KCNMB4: variants seen among roughly 807,000 people sequenced by gnomAD.
KCNMB4 encodes potassium calcium-activated channel subfamily M regulatory beta subunit 4.
In KCNMB4, 3 loss-of-function variants were observed where a neutral mutation model predicts 20.7. That is an observed-to-expected ratio of 0.14 (90% CI 0.07 to 0.37). The LOEUF (loss-of-function observed/expected upper bound fraction) is 0.37, where lower values mean the gene tolerates loss of function less well. Among genes scored for constraint, KCNMB4 ranks in the 10% least tolerant of loss-of-function variants. The pLI, the probability that KCNMB4 is intolerant of heterozygous loss-of-function variation, is 1.00. For synonymous variants in KCNMB4, 110 were observed against 113.4 expected (o/e 0.97, Z 0.19); for missense variants, 168 against 265.9 (o/e 0.63, Z 2.56).
At chr12:70,423,549 G>A (rs1869126669) in intron 2 of KCNMB4, among the ~76,000 whole-genome samples, 1 of 151,876 alleles carries the variant, frequency 6.6e-6, no homozygotes, top group Non-Finnish European at 1.5e-5. Flanking sequence ...CTCACTGTAG[G>A]CCCACTGCAG....
intron 2 of KCNMB4, among the ~76,000 whole-genome samples, chr12:70,415,371 TA>T (rs1017158588): frequency 6.6e-6 from 1 of 152,188 alleles, no homozygotes; most frequent in African/African-American, 2.4e-5. Flanking sequence ...GTGCACAATT[TA>T]GTGGCATTAA....
intron 2 of KCNMB4, among the ~76,000 whole-genome samples, chr12:70,423,638 C>T (rs926497390): frequency 6.6e-6 from 1 of 152,074 alleles, no homozygotes; most frequent in African/African-American, 2.4e-5. Context: ...CCACCACGCC[C>T]ATCGAATTTT....
chr12:70,421,957 C>T (rs1869074904), intron 2 of KCNMB4, among the ~76,000 whole-genome samples: 2 of 151,030 alleles, frequency 1.3e-5, no homozygotes, highest in Admixed American at 1.3e-4. Flanking sequence ...GGTTCTCATC[C>T]ATCTGGATTT....
intron 2 of KCNMB4, among the ~76,000 whole-genome samples, chr12:70,407,412 A>G (rs1868634607): frequency 1.3e-5 from 2 of 148,740 alleles, no homozygotes; most frequent in South Asian, 4.3e-4. Context: ...ATCTCTAGCC[A>G]ACTCTCCCTT....
intron 2 of KCNMB4, 111 bp downstream of exon 2, chr12:70,400,447 C>T: frequency 1.8e-6 from 2 of 1,117,770 alleles, no homozygotes; most frequent in Non-Finnish European, 2.5e-6. Flanking sequence ...AGCCTCAACT[C>T]TTCTTTGCGT....
chr12:70,422,490 A>G (rs1202808452), intron 2 of KCNMB4, among the ~76,000 whole-genome samples: 2 of 152,226 alleles, frequency 1.3e-5, no homozygotes, highest in Non-Finnish European at 2.9e-5. Flanking sequence ...GAGGAAAAGG[A>G]TTTAATGTAA....
At chr12:70,396,762 T>C (rs1288708638) in intron 1 of KCNMB4, among the ~76,000 whole-genome samples, 5 of 152,172 alleles carry the variant, frequency 3.3e-5, no homozygotes, top group African/African-American at 1.2e-4. Flanking sequence ...TTATTTGTGG[T>C]CCTCCCCAAA....
intron 2 of KCNMB4, among the ~76,000 whole-genome samples, chr12:70,428,811 T>C (rs1342049350): frequency 6.6e-6 from 1 of 152,190 alleles, no homozygotes; most frequent in African/African-American, 2.4e-5. Context: ...CATATACTAA[T>C]GGTAGCACAA....
At chr12:70,377,329 G>T (rs1883704980) in intron 1 of KCNMB4, among the ~76,000 whole-genome samples, 2 of 152,238 alleles carry the variant, frequency 1.3e-5, no homozygotes, top group South Asian at 4.1e-4. Flanking sequence ...TACGATAAAA[G>T]AGTCACACAA....
intron 1 of KCNMB4, among the ~76,000 whole-genome samples, chr12:70,375,612 C>A (rs920495555): frequency 1.9e-4 from 29 of 152,082 alleles, no homozygotes; most frequent in African/African-American, 7.0e-4. Flanking sequence ...GTAATCCAGC[C>A]TAGGGAACAG....
intron 1 of KCNMB4, among the ~76,000 whole-genome samples, chr12:70,383,701 TTGC>T (rs1883836225): frequency 6.6e-6 from 1 of 152,230 alleles, no homozygotes; most frequent in South Asian, 2.1e-4. Context: ...ATCACTCCAG[TTGC>T]TGCCTCTGTC....
intron 1 of KCNMB4, among the ~76,000 whole-genome samples, chr12:70,386,597 G>C (rs11178213): frequency 2.5e-5 from 3 of 119,684 alleles, no homozygotes; most frequent in Admixed American, 2.3e-4. Flanking sequence ...TTTGTTTGTT[G>C]TTTTTTTTTT....
rs1869383017 is a variant in KCNMB4, at chr12:70,432,094, A to G, written c.*1441A>G. 1 of 145,380 alleles carries G rather than the reference A, an allele frequency of 6.9e-6. No homozygotes were observed. The highest frequency in any genetic ancestry group is 2.6e-5 in the African/African-American group (1 of 38,826). 9.0% of individuals were successfully genotyped at this position (145,380 alleles called of 1,614,324 possible). On this transcript the variant is annotated 3_prime_UTR_variant, in exon 3 of 3. Coordinates refer to ENST00000258111, the MANE Select transcript of KCNMB4 (RefSeq NM_014505.6). ...TGCCAGGCTGGAGTGCAGTGGCACG[A>G]TCTCGGCTCACTACAGTCTCCACCT...
chr12:70,407,105 C>G (rs1868625079), intron 2 of KCNMB4, among the ~76,000 whole-genome samples: 1 of 152,190 alleles, frequency 6.6e-6, no homozygotes, highest in Non-Finnish European at 1.5e-5. Context: ...AGCTATCTAC[C>G]TGTACTTCTG....
At chr12:70,392,132 G>A (rs1868305031) in intron 1 of KCNMB4, among the ~76,000 whole-genome samples, 1 of 152,064 alleles carries the variant, frequency 6.6e-6, no homozygotes. Context: ...GTACCTTACA[G>A]TACACAATAT....
rs148125064 is a variant in KCNMB4 at position 70,397,135 on chromosome 12, A to G, written c.337-3074A>G. Among the ~76,000 whole-genome samples the G allele has an allele frequency of 5.5e-3, 838 of 152,240 alleles. 5 individuals carry two copies. Among genetic ancestry groups the G allele is most frequent in the African/African-American group, 0.019 (788 of 41,536 alleles). ...CACTCTTAGAGGCCAGGGTGGGACA[A>G]TTGAGCCCAGGAGTTCGAGACCAGC... is the stretch of plus-strand genomic sequence containing the variant. On this transcript the variant is annotated intron_variant, in intron 1 of 2. Transcript: ENST00000258111.
rs867684615 is a variant in KCNMB4, at chr12:70,431,180, A to G, written c.*527A>G. 2.6e-5 allele frequency: 4 copies of G among 152,166 alleles called. No homozygotes were observed. Among genetic ancestry groups the G allele is most frequent in the African/African-American group, 9.7e-5 (4 of 41,442 alleles). 9.4% of individuals were successfully genotyped at this position (152,166 alleles called of 1,614,324 possible). On this transcript the variant is annotated 3_prime_UTR_variant, in exon 3 of 3. Coordinates refer to ENST00000258111, the MANE Select transcript of KCNMB4 (RefSeq NM_014505.6). ...TACTGTGTAACCCTCAGTTTCCACTATTAAAGAGTATCTTTTGACGTCTGC... is the reference window on the plus strand; with the variant it reads ...TACTGTGTAACCCTCAGTTTCCACTGTTAAAGAGTATCTTTTGACGTCTGC...
chr12:70,389,215 T>G (rs921815226), intron 1 of KCNMB4, among the ~76,000 whole-genome samples: 2 of 152,232 alleles, frequency 1.3e-5, no homozygotes, highest in Admixed American at 6.5e-5. Flanking sequence ...TTCTATAACT[T>G]ATTTTCCTTG....
In KCNMB4 at chr12:70,431,319, C is replaced by T. The variant is rs1233336837; in HGVS notation, c.*666C>T. ...TCCTCCAACACCTGCCTTTGCCTAA[C>T]CATTATTTTTCACCAGATTACTTCT... is the stretch of plus-strand genomic sequence containing the variant. On this transcript the variant is annotated 3_prime_UTR_variant, in exon 3 of 3. Transcript: ENST00000258111. The T allele has an allele frequency of 6.6e-6, 1 of 152,118 alleles. No homozygotes were observed. Among genetic ancestry groups the T allele is most frequent in the East Asian group, 1.9e-4 (1 of 5,176 alleles). 9.4% of individuals were successfully genotyped at this position (152,118 alleles called of 1,614,324 possible).
Sources: gnomAD v4.1 joint callset for allele counts (sites outside exome capture counted in the v4.1 genomes callset) on GRCh38, gnomAD v4.1.1 for gene constraint, MANE v1.5 for transcripts, NCBI Gene and HGNC (gene_info 2026-07-23, HGNC 2026-07-21) for gene names.